SPEF2: variants seen among roughly 807,000 people sequenced by gnomAD.
SPEF2 encodes the protein sperm flagella and cilia-associated protein 2.
Under a neutral mutation model 224.6 loss-of-function variants are expected in SPEF2, and 187 were observed. The ratio of observed to expected loss-of-function variants is 0.83; its 90% CI spans 0.74 to 0.94. The LOEUF is 0.94. Ranked by LOEUF, SPEF2 falls within the 40% of genes least tolerant of loss-of-function variation. The pLI is 0.00. For synonymous variants in SPEF2, 715 were observed against 707.3 expected (o/e 1.01, Z -0.17); for missense variants, 2,170 against 2,135.6 (o/e 1.02, Z -0.32).
At chr5:35,650,884 C>G (rs911063744) in intron 6 of SPEF2, among the ~76,000 whole-genome samples, 2 of 151,642 alleles carry the variant, frequency 1.3e-5, no homozygotes, top group Non-Finnish European at 3.0e-5. Flanking sequence ...CTGCTTGTCT[C>G]TCATGTAATA....
At chr5:35,634,240 C>T (rs1464892173) in intron 2 of SPEF2, among the ~76,000 whole-genome samples, 1 of 151,898 alleles carries the variant, frequency 6.6e-6, no homozygotes, top group African/African-American at 2.4e-5. Flanking sequence ...TTTTGTTTAT[C>T]CTTCAGTTTT....
Position 35,668,699 on chromosome 5 carries a change from A to T in SPEF2, c.1356-1360A>T, listed in dbSNP as rs1750853421. The stretch of plus-strand genomic sequence containing the variant: ...ATCTCCATATTTTAAAAATGTTCCT[A>T]CTTTTGCCATTTTATCTGTTTCTAT... On this transcript the variant is annotated intron_variant, in intron 9 of 36. Transcript: ENST00000356031. 2.0e-5 allele frequency among the ~76,000 whole-genome samples: 3 copies of T among 152,162 alleles called. No homozygotes were observed. The South Asian group carries it at 6.2e-4, about 32-fold the overall frequency.
intron 29 of SPEF2, among the ~76,000 whole-genome samples, chr5:35,777,664 CAAATAAATAAATAAATAAATAAAT>C (rs35899152): frequency 2.4e-4 from 34 of 143,984 alleles, no homozygotes; most frequent in African/African-American, 7.0e-4. Context: ...AAATGTGATA[CAAATAAATAAATAAATAAATAAAT>C]AAATAAATAA....
intron 19 of SPEF2, chr5:35,709,641 A>G (rs1580386400): frequency 2.2e-6 from 2 of 915,036 alleles, no homozygotes; most frequent in African/African-American, 2.4e-5. Flanking sequence ...CTCAGTAAAC[A>G]TATATTTATG....
At chr5:35,695,529 C>G (rs956621686) in intron 13 of SPEF2, among the ~76,000 whole-genome samples, 1 of 151,954 alleles carries the variant, frequency 6.6e-6, no homozygotes, top group Admixed American at 6.6e-5. Flanking sequence ...AGGGGAAACA[C>G]CAAGACACAT....
chr5:35,789,579 G>A (rs1372902813), intron 30 of SPEF2: 2 of 647,122 alleles, frequency 3.1e-6, no homozygotes, highest in East Asian at 2.7e-5. Flanking sequence ...CATTTCTGCT[G>A]TGAGAAACAT....
At chr5:35,637,809 CACCATTAGAAGCTGGATT>C (rs1191556176) in intron 2 of SPEF2, among the ~76,000 whole-genome samples, 2 of 152,158 alleles carry the variant, frequency 1.3e-5, no homozygotes, top group Non-Finnish European at 2.9e-5. Context: ...GCCTTGCTGC[CACCATTAGAAGCTGGATT>C]ACCCTCCAAG....
intron 28 of SPEF2, among the ~76,000 whole-genome samples, chr5:35,775,622 C>A (rs528075661): frequency 6.6e-6 from 1 of 152,162 alleles, no homozygotes; most frequent in African/African-American, 2.4e-5. Flanking sequence ...ATGATCACAT[C>A]TGCAGGTAAG....
intron 8 of SPEF2, among the ~76,000 whole-genome samples, chr5:35,662,009 T>C (rs1000318897): frequency 6.6e-6 from 1 of 152,302 alleles, no homozygotes; most frequent in Admixed American, 6.5e-5. Context: ...CACACTGTCC[T>C]CCACAATGGT....
At chr5:35,732,840 T>C (rs548659676) in intron 21 of SPEF2, among the ~76,000 whole-genome samples, 1 of 152,304 alleles carries the variant, frequency 6.6e-6, no homozygotes, top group African/African-American at 2.4e-5. Context: ...ATGAGGTATT[T>C]TGAGTAAGAG....
intron 23 of SPEF2, among the ~76,000 whole-genome samples, chr5:35,752,864 TCC>T (rs1749869637): frequency 6.6e-6 from 1 of 151,476 alleles, no homozygotes; most frequent in Non-Finnish European, 1.5e-5. Context: ...TGACTTATGT[TCC>T]GACACATAGA....
chr5:35,675,633 C>G, intron 10 of SPEF2: 1 of 176,688 alleles, frequency 5.7e-6, no homozygotes, highest in East Asian at 1.4e-4. Context: ...CTCCGCCTCC[C>G]TCCCAGTAGC....
intron 20 of SPEF2, among the ~76,000 whole-genome samples, chr5:35,713,787 AGTGTT>A (rs1741758639): frequency 1.4e-5 from 1 of 70,368 alleles, no homozygotes. Context: ...TATTATATAT[AGTGTT>A]ATATATTTTA....
chr5:35,795,588 C>A, intron 32 of SPEF2, 115 bp from the exon 33 acceptor site: 2 of 747,890 alleles, frequency 2.7e-6, no homozygotes, highest in Non-Finnish European at 4.3e-6. Flanking sequence ...GTTTCTGCAT[C>A]CTACTTGGGA....
rs116444510 is a variant in SPEF2, at chr5:35,761,908, C to T, written c.3621-1614C>T. ...CACCAGTCTCAGCCTCAAATCACAG[C>T]TTTGGGTACCTACTGGAACTATCAG... On this transcript the variant is annotated intron_variant, in intron 25 of 36. Transcript: ENST00000356031. Among the ~76,000 whole-genome samples the T allele has an allele frequency of 3.3e-5, 5 of 152,268 alleles. No homozygotes were observed. The South Asian group carries it at 6.2e-4, about 19-fold the overall frequency.
intron 2 of SPEF2, among the ~76,000 whole-genome samples, chr5:35,638,239 C>G (rs1325024967): frequency 6.6e-6 from 1 of 151,992 alleles, no homozygotes; most frequent in Non-Finnish European, 1.5e-5. Context: ...TTTAGACTTC[C>G]CAACATGAAG....
intron 15 of SPEF2, chr5:35,698,206 G>T (rs1384842856): frequency 2.5e-5 from 4 of 159,842 alleles, no homozygotes; most frequent in African/African-American, 9.6e-5. Flanking sequence ...CCCTGAGAAA[G>T]AGCTGCAGAC....
chr5:35,735,614 T>C (rs1746453646), intron 21 of SPEF2, among the ~76,000 whole-genome samples: 1 of 152,240 alleles, frequency 6.6e-6, no homozygotes, highest in Non-Finnish European at 1.5e-5. Flanking sequence ...TTAGCCCAGA[T>C]GACCTCTAAG....
At chr5:35,794,399 T>A (rs901605637) in intron 32 of SPEF2, among the ~76,000 whole-genome samples, 1 of 152,144 alleles carries the variant, frequency 6.6e-6, no homozygotes, top group Admixed American at 6.5e-5. Context: ...GGCCTCTTTT[T>A]TTTTGAGAGA....
Sources: gnomAD v4.1 joint callset for allele counts (sites outside exome capture counted in the v4.1 genomes callset) on GRCh38, gnomAD v4.1.1 for gene constraint, MANE v1.5 for transcripts, NCBI Gene and HGNC (gene_info 2026-07-23, HGNC 2026-07-21) for gene names.